NKAIN2: variants seen among roughly 807,000 people sequenced by gnomAD.
NKAIN2 encodes sodium/potassium transporting ATPase interacting 2, also known as sodium/potassium-transporting ATPase subunit beta-1-interacting protein 2.
In NKAIN2, 14 loss-of-function variants were observed where a neutral mutation model predicts 32.6. The observed-to-expected ratio is 0.43, with a 90% CI of 0.28 to 0.67. NKAIN2 has a LOEUF of 0.67. Ranked by LOEUF, NKAIN2 falls within the 30% of genes least tolerant of loss-of-function variation. NKAIN2 has a pLI of 0.17. For missense variants in NKAIN2, 198 were observed against 258.3 expected (o/e 0.77, Z 1.60); for synonymous variants, 80 against 87.2 (o/e 0.92, Z 0.46).
intron 3 of NKAIN2, among the ~76,000 whole-genome samples, chr6:124,544,078 C>T (rs1229773625): frequency 1.3e-5 from 2 of 152,026 alleles, no homozygotes; most frequent in African/African-American, 2.4e-5. Context: ...TAATAGTTCT[C>T]GGTAGAGAAG....
intron 5 of NKAIN2, 148 bp from the exon 6 acceptor site, chr6:124,818,239 C>T: frequency 2.3e-6 from 1 of 430,908 alleles, no homozygotes; most frequent in Non-Finnish European, 4.2e-6. Flanking sequence ...ACTATCATTT[C>T]TTCCATTTCT....
In NKAIN2 at chr6:124,772,205, G is replaced by A. The variant is rs963577686; in HGVS notation, c.475-19134G>A. 3.3e-5 allele frequency among the ~76,000 whole-genome samples: 5 copies of A among 152,166 alleles called. No individual in the cohort carries two copies. In the East Asian group the frequency reaches 9.6e-4, roughly 29 times the overall value. ...CAGACTGAGGCAGTGGCAATGAGGT[G>A]GGAAAAGAAATAATTGAGTTTATGG... On this transcript the variant is annotated intron_variant, in intron 4 of 6. Transcript: ENST00000368417.
At chr6:124,203,885 T>C (rs544504909) in intron 1 of NKAIN2, among the ~76,000 whole-genome samples, 7 of 151,880 alleles carry the variant, frequency 4.6e-5, no homozygotes, top group Non-Finnish European at 8.8e-5. Flanking sequence ...ACTTTTAAGA[T>C]GGTAATAAGA....
chr6:124,035,466 C>A (rs1266614793), intron 1 of NKAIN2, among the ~76,000 whole-genome samples: 1 of 152,064 alleles, frequency 6.6e-6, no homozygotes, highest in Non-Finnish European at 1.5e-5. Flanking sequence ...GCATTAGTTT[C>A]CCCCGAAATC....
intron 1 of NKAIN2, among the ~76,000 whole-genome samples, chr6:124,118,130 T>C (rs566297935): frequency 1.3e-5 from 2 of 152,242 alleles, no homozygotes; most frequent in African/African-American, 2.4e-5. Context: ...ATCATAGGAA[T>C]AGATTCTTGT....
At position 124,370,161 on chromosome 6, in the gene NKAIN2, G is replaced by A. The variant is rs145991173; in HGVS notation, c.273+14814G>A. Reference sequence around the variant, plus strand: ...AGTTCAGTACGCTACAGGTAACCAGGGAGCAATGTTCAGTAAATACCGTGC... The same window carrying A: ...AGTTCAGTACGCTACAGGTAACCAGAGAGCAATGTTCAGTAAATACCGTGC... On this transcript the variant is annotated intron_variant, in intron 3 of 6. Coordinates refer to ENST00000368417, the MANE Select transcript of NKAIN2 (RefSeq NM_001040214.3). 1.4e-3 allele frequency among the ~76,000 whole-genome samples: 217 copies of A among 150,730 alleles called. 1 individual carries two copies. Among genetic ancestry groups the A allele is most frequent in the African/African-American group, 5.1e-3 (210 of 40,956 alleles).
chr6:124,116,867 T>C (rs962078282), intron 1 of NKAIN2, among the ~76,000 whole-genome samples: 2 of 152,092 alleles, frequency 1.3e-5, no homozygotes, highest in Admixed American at 6.6e-5. Flanking sequence ...AGTTAATGTT[T>C]ATGAATGATG....
At chr6:124,322,081 A>G (rs184436334) in intron 2 of NKAIN2, among the ~76,000 whole-genome samples, 219 of 152,296 alleles carry the variant, frequency 1.4e-3, no homozygotes, top group Admixed American at 3.7e-3. Context: ...GAGCCACAAA[A>G]TAATTCCAAC....
chr6:123,907,687 C>G (rs1311659467), intron 1 of NKAIN2, among the ~76,000 whole-genome samples: 1 of 152,108 alleles, frequency 6.6e-6, no homozygotes, highest in Non-Finnish European at 1.5e-5. Context: ...CCTCTCACCC[C>G]CCACTGCTGC....
intron 3 of NKAIN2, among the ~76,000 whole-genome samples, chr6:124,569,330 T>A (rs1339055804): frequency 6.6e-6 from 1 of 152,200 alleles, no homozygotes; most frequent in African/African-American, 2.4e-5. Context: ...AAGAAAGTTC[T>A]TACTTCCCTA....
At chr6:123,809,795 T>A (rs1053422620) in intron 1 of NKAIN2, among the ~76,000 whole-genome samples, 1 of 152,168 alleles carries the variant, frequency 6.6e-6, no homozygotes, top group Non-Finnish European at 1.5e-5. Flanking sequence ...TATGCAGGTA[T>A]AGACTCTTTT....
chr6:124,470,428 T>A (rs1399678758), intron 3 of NKAIN2, among the ~76,000 whole-genome samples: 1 of 152,150 alleles, frequency 6.6e-6, no homozygotes, highest in Non-Finnish European at 1.5e-5. Flanking sequence ...ATCAGGTGGC[T>A]TTGCAGAAGA....
intron 1 of NKAIN2, among the ~76,000 whole-genome samples, chr6:123,966,852 A>G (rs1778103133): frequency 6.6e-6 from 1 of 152,222 alleles, no homozygotes; most frequent in African/African-American, 2.4e-5. Context: ...TTAGGAATAC[A>G]TCACTGAAAA....
At chr6:124,043,677 G>T (rs551227770) in intron 1 of NKAIN2, among the ~76,000 whole-genome samples, 18 of 152,188 alleles carry the variant, frequency 1.2e-4, no homozygotes, top group Middle Eastern at 3.4e-3. Flanking sequence ...TATGTTTTTA[G>T]AATCATGGCT....
At chr6:124,131,270 C>G (rs1215635830) in intron 1 of NKAIN2, among the ~76,000 whole-genome samples, 1 of 152,038 alleles carries the variant, frequency 6.6e-6, no homozygotes, top group African/African-American at 2.4e-5. Flanking sequence ...TCAGCCTCCT[C>G]AGTAGCTAAG....
At chr6:123,817,556 T>A (rs1412813509) in intron 1 of NKAIN2, among the ~76,000 whole-genome samples, 2 of 151,996 alleles carry the variant, frequency 1.3e-5, no homozygotes, top group Non-Finnish European at 2.9e-5. Flanking sequence ...CCTGTGAGAG[T>A]CATGCTCTTT....
intron 1 of NKAIN2, among the ~76,000 whole-genome samples, chr6:124,228,104 A>T (rs1274567860): frequency 6.6e-6 from 1 of 152,186 alleles, no homozygotes; most frequent in Non-Finnish European, 1.5e-5. Context: ...TCATCATGAA[A>T]GTTCCACCCT....
intron 1 of NKAIN2, among the ~76,000 whole-genome samples, chr6:124,127,034 A>C (rs1449318511): frequency 6.6e-6 from 1 of 152,200 alleles, no homozygotes; most frequent in Non-Finnish European, 1.5e-5. Context: ...ATGATATGAT[A>C]TGTTTCTGAA....
chr6:124,668,956 G>A (rs564974335), intron 4 of NKAIN2, among the ~76,000 whole-genome samples: 7 of 152,242 alleles, frequency 4.6e-5, no homozygotes, highest in African/African-American at 1.4e-4. Flanking sequence ...GTACTCACAT[G>A]TTCTTTGGTT....
Sources: gnomAD v4.1 joint callset for allele counts (sites outside exome capture counted in the v4.1 genomes callset) on GRCh38, gnomAD v4.1.1 for gene constraint, MANE v1.5 for transcripts, NCBI Gene and HGNC (gene_info 2026-07-23, HGNC 2026-07-21) for gene names.